Variants in KIDINS220 observed in about 807,000 individuals in gnomAD.
KIDINS220 encodes the protein kinase D-interacting substrate of 220 kDa.
KIDINS220 carries 63 observed loss-of-function variants against 157.6 expected under a neutral mutation model. The ratio of observed to expected loss-of-function variants is 0.40; its 90% CI spans 0.33 to 0.49. The LOEUF (loss-of-function observed/expected upper bound fraction) is 0.49. KIDINS220 is among the 20% of genes least tolerant of loss of function. The probability of loss-of-function intolerance (pLI) is 0.66; values close to 1 mark genes in which losing one functional copy is unlikely to be tolerated. For missense variants in KIDINS220, 1,772 were observed against 2,171.2 expected (o/e 0.82, Z 3.65); for synonymous variants, 732 against 783.6 (o/e 0.93, Z 1.10).
intron 25 of KIDINS220, chr2:8,747,425 G>T: frequency 5.4e-6 from 3 of 557,618 alleles, no homozygotes; most frequent in South Asian, 2.3e-5. Flanking sequence ...GTCTTTCTTA[G>T]ATTCAATAGT....
At chr2:8,793,779 A>G in intron 12 of KIDINS220, 31 bp downstream of exon 12, 1 of 1,537,052 alleles carries the variant, frequency 6.5e-7, no homozygotes. Context: ...ATTATTTAAA[A>G]GCTCAGTTAG....
chr2:8,832,059 C>T (rs1231598904), intron 1 of KIDINS220, among the ~76,000 whole-genome samples: 1 of 152,122 alleles, frequency 6.6e-6, no homozygotes, highest in African/African-American at 2.4e-5. Context: ...TGCAGAATTC[C>T]CACTCCTCCT....
chr2:8,767,727 G>A (rs1246947217), intron 22 of KIDINS220, among the ~76,000 whole-genome samples: 2 of 152,116 alleles, frequency 1.3e-5, no homozygotes, highest in Non-Finnish European at 2.9e-5. Flanking sequence ...TGAAAGCTTT[G>A]GGTGAATATC....
intron 27 of KIDINS220, among the ~76,000 whole-genome samples, chr2:8,736,080 T>C (rs1290503024): frequency 6.6e-6 from 1 of 152,208 alleles, no homozygotes; most frequent in Non-Finnish European, 1.5e-5. Context: ...CTTTCTAAAA[T>C]TGGCTGAGAT....
At chr2:8,762,355 T>C (rs1417880175) in intron 22 of KIDINS220, among the ~76,000 whole-genome samples, 1 of 152,196 alleles carries the variant, frequency 6.6e-6, no homozygotes, top group African/African-American at 2.4e-5. Context: ...ACACTTAATA[T>C]TTTTTCTTCA....
Position 8,730,239 on chromosome 2 carries a change from T to C in KIDINS220, c.*481A>G, listed in dbSNP as rs1219249412. On this transcript the variant is annotated 3_prime_UTR_variant, in exon 30 of 30. Coordinates refer to ENST00000256707, the MANE Select transcript of KIDINS220 (RefSeq NM_020738.4). ...ACGCTGGATCTCGGTTTACTCAGCC[T>C]CTCCCTGTAGCGTCACAGGCTGTGC... is the stretch of plus-strand genomic sequence containing the variant. The C allele has an allele frequency of 1.0e-6, 1 of 987,984 alleles. No individual in the cohort carries two copies. The highest frequency in any genetic ancestry group is 1.7e-5 in the African/African-American group (1 of 57,276). 61.2% of individuals were successfully genotyped at this position (987,984 alleles called of 1,614,324 possible).
intron 8 of KIDINS220, among the ~76,000 whole-genome samples, chr2:8,801,620 G>A (rs571204209): frequency 6.6e-6 from 1 of 152,294 alleles, no homozygotes; most frequent in South Asian, 2.1e-4. Flanking sequence ...TGACTACCAG[G>A]TAGGCAGGGC....
intron 21 of KIDINS220, among the ~76,000 whole-genome samples, chr2:8,773,551 CA>C (rs1670525261): frequency 6.6e-6 from 1 of 151,818 alleles, no homozygotes; most frequent in Non-Finnish European, 1.5e-5. Flanking sequence ...CAGCTCACTG[CA>C]AACTCTGCCT....
chr2:8,737,156 G>T (rs1335690720), intron 26 of KIDINS220, 157 bp from the exon 27 acceptor site: 3 of 713,824 alleles, frequency 4.2e-6, no homozygotes, highest in Non-Finnish European at 6.7e-6. Flanking sequence ...TTAGGGAACA[G>T]ATTTAGTTAC....
At chr2:8,830,717 C>A (rs1189714784) in intron 1 of KIDINS220, among the ~76,000 whole-genome samples, 1 of 152,136 alleles carries the variant, frequency 6.6e-6, no homozygotes, top group Admixed American at 6.6e-5. Context: ...CCGCACCTGG[C>A]CTAAATCAGA....
Position 8,826,826 on chromosome 2 carries a change from G to T in KIDINS220, c.108+160C>A, listed in dbSNP as rs1319332836. ...AAGTTAAAATGTACTCCAAAAACAT[G>T]AAATTTGAAGTACTTTTAACTATAA... On this transcript the variant is annotated intron_variant, in intron 2 of 29. Transcript: ENST00000256707. 4 of 379,042 alleles carry T rather than the reference G, an allele frequency of 1.1e-5. No individual in the cohort carries two copies. In the East Asian group the frequency reaches 1.5e-4, roughly 15 times the overall value. The allele number at this position is 379,042 out of a possible 1,614,324, so 23.5% of individuals were successfully genotyped here. A position where few individuals can be genotyped will look rare whatever the true frequency, so the allele number is the denominator to read the frequency against.
chr2:8,752,261 T>G (rs531626832), intron 22 of KIDINS220, among the ~76,000 whole-genome samples: 1 of 152,258 alleles, frequency 6.6e-6, no homozygotes, highest in East Asian at 1.9e-4. Flanking sequence ...GCTCAAGCAT[T>G]CCATTCACCT....
chr2:8,770,602 ACG>A, intron 22 of KIDINS220, 66 bp downstream of exon 22: 2 of 808,344 alleles, frequency 2.5e-6, no homozygotes, highest in Non-Finnish European at 3.9e-6. Flanking sequence ...TCTGCTTTAT[ACG>A]CGTTTTTTTT....
At chr2:8,764,908 A>G (rs1669260444) in intron 22 of KIDINS220, among the ~76,000 whole-genome samples, 1 of 152,256 alleles carries the variant, frequency 6.6e-6, no homozygotes, top group Admixed American at 6.5e-5. Flanking sequence ...CTCATTCAGG[A>G]GACAAATATT....
intron 2 of KIDINS220, 75 bp downstream of exon 2, chr2:8,826,911 A>T (rs1234834547): frequency 1.3e-6 from 1 of 741,626 alleles, no homozygotes; most frequent in African/African-American, 1.7e-5. Context: ...TATTTCTTAC[A>T]CACTTCTATC....
intron 6 of KIDINS220, among the ~76,000 whole-genome samples, chr2:8,810,106 T>C (rs1367802099): frequency 6.6e-6 from 1 of 152,118 alleles, no homozygotes; most frequent in Admixed American, 6.6e-5. Context: ...TCCTCCTCTC[T>C]CACGGATGTA....
intron 10 of KIDINS220, among the ~76,000 whole-genome samples, chr2:8,797,937 A>G (rs778850952): frequency 1.1e-4 from 17 of 152,252 alleles, no homozygotes; most frequent in Non-Finnish European, 2.5e-4. Flanking sequence ...TGAATTTGGG[A>G]GAGATGAGCT....
chr2:8,798,355 G>A, intron 9 of KIDINS220, 55 bp from the exon 10 acceptor site: 1 of 960,496 alleles, frequency 1.0e-6, no homozygotes, highest in Non-Finnish European at 1.7e-6. Flanking sequence ...ATTTAAAACT[G>A]CTACTTATAA....
At chr2:8,727,190 T>C (rs760787023), downstream of KIDINS220, 49 of 1,143,858 alleles carry the variant, frequency 4.3e-5, no homozygotes, top group African/African-American at 7.1e-4. Context: ...AGAGCCCACC[T>C]GAGTCTGCTC....
Sources: gnomAD v4.1 joint callset for allele counts (sites outside exome capture counted in the v4.1 genomes callset) on GRCh38, gnomAD v4.1.1 for gene constraint, MANE v1.5 for transcripts, NCBI Gene and HGNC (gene_info 2026-07-23, HGNC 2026-07-21) for gene names.